SNX13: variants seen among roughly 807,000 people sequenced by gnomAD.
SNX13 encodes sorting nexin-13.
Under a neutral mutation model 133.6 loss-of-function variants are expected in SNX13, and 45 were observed. That is an observed-to-expected ratio of 0.34 (90% confidence interval 0.27 to 0.43). The LOEUF is 0.43. Ranked by LOEUF, SNX13 falls within the 20% of genes least tolerant of loss-of-function variation. SNX13 has a pLI of 1.00. For synonymous variants in SNX13, 414 were observed against 373.9 expected (o/e 1.11, Z -1.24); for missense variants, 1,032 against 1,145.1 (o/e 0.90, Z 1.43).
At chr7:17,930,975 A>G (rs535444532) in intron 1 of SNX13, among the ~76,000 whole-genome samples, 6 of 152,288 alleles carry the variant, frequency 3.9e-5, no homozygotes, top group Middle Eastern at 3.4e-3. Context: ...TCCCCCCAAC[A>G]GCCGTCCGTG....
chr7:17,808,096 T>C (rs993715860), intron 20 of SNX13, among the ~76,000 whole-genome samples: 1 of 152,054 alleles, frequency 6.6e-6, no homozygotes, highest in Admixed American at 6.5e-5. Context: ...CAAAACTGGA[T>C]GGAGAATGAG....
At chr7:17,839,414 T>C (rs1789595115) in intron 13 of SNX13, among the ~76,000 whole-genome samples, 1 of 151,864 alleles carries the variant, frequency 6.6e-6, no homozygotes, top group South Asian at 2.1e-4. Flanking sequence ...AATTTTTGTT[T>C]CATTCATTGG....
chr7:17,822,012 G>A (rs1336600912), intron 17 of SNX13, among the ~76,000 whole-genome samples: 1 of 152,014 alleles, frequency 6.6e-6, no homozygotes, highest in Non-Finnish European at 1.5e-5. Context: ...AGTAAAATTA[G>A]AATTTCTTAA....
chr7:17,931,265 T>C (rs936709185), intron 1 of SNX13, among the ~76,000 whole-genome samples: 1 of 152,172 alleles, frequency 6.6e-6, no homozygotes, highest in Non-Finnish European at 1.5e-5. Context: ...TCTCAAACTC[T>C]GGAAGAGAAC....
At chr7:17,880,534 A>G (rs924678839) in intron 5 of SNX13, 2 of 152,214 alleles carry the variant, frequency 1.3e-5, no homozygotes, top group Admixed American at 6.5e-5. Context: ...GACTAATTGT[A>G]TCAGATTTTC....
chr7:17,927,180 C>T (rs995311422), intron 1 of SNX13, among the ~76,000 whole-genome samples: 19 of 149,154 alleles, frequency 1.3e-4, no homozygotes, highest in Non-Finnish European at 2.1e-4. Context: ...ATATATTATG[C>T]GTGTACATAT....
At chr7:17,799,417 A>C (rs1472402009) in intron 22 of SNX13, among the ~76,000 whole-genome samples, 3 of 151,790 alleles carry the variant, frequency 2.0e-5, no homozygotes, top group Non-Finnish European at 4.4e-5. Flanking sequence ...TAGATTCATG[A>C]TGGTCCTAGG....
chr7:17,930,852 A>G (rs1326165717), intron 1 of SNX13, among the ~76,000 whole-genome samples: 1 of 152,070 alleles, frequency 6.6e-6, no homozygotes, highest in Non-Finnish European at 1.5e-5. Context: ...TTAGATTCTC[A>G]TAGGAGCACT....
intron 9 of SNX13, among the ~76,000 whole-genome samples, chr7:17,859,722 G>T (rs1792393001): frequency 1.3e-5 from 2 of 152,068 alleles, no homozygotes; most frequent in South Asian, 4.1e-4. Context: ...TTTACTAAGA[G>T]TTTGACTACT....
chr7:17,817,374 T>C (rs1181131815), intron 18 of SNX13, among the ~76,000 whole-genome samples: 2 of 152,250 alleles, frequency 1.3e-5, no homozygotes, highest in Non-Finnish European at 2.9e-5. Flanking sequence ...TTGTGATACA[T>C]ATCCTAAAGC....
intron 8 of SNX13, among the ~76,000 whole-genome samples, chr7:17,871,282 G>C (rs1583563648): frequency 6.6e-6 from 1 of 152,170 alleles, no homozygotes. Flanking sequence ...TGGGATCACA[G>C]GCGTGAGCCA....
chr7:17,937,498 G>A (rs370713396), intron 1 of SNX13, among the ~76,000 whole-genome samples: 18 of 138,192 alleles, frequency 1.3e-4, no homozygotes, highest in African/African-American at 5.1e-4. Flanking sequence ...TGGGCAACAG[G>A]GCAAGACTCC....
chr7:17,829,309 C>T (rs1028328870), intron 16 of SNX13, among the ~76,000 whole-genome samples: 2 of 151,448 alleles, frequency 1.3e-5, no homozygotes, highest in Non-Finnish European at 3.0e-5. Flanking sequence ...CTTCATAGAA[C>T]GCTAATATTT....
Position 17,821,491 on chromosome 7 carries a change from T to G in SNX13, c.1845+18A>C. 1 of 1,592,312 alleles carries G rather than the reference T, an allele frequency of 6.3e-7. No individual in the cohort carries two copies. The highest frequency in any genetic ancestry group is 8.6e-7 in the Non-Finnish European group (1 of 1,167,438). Reference sequence around the variant, plus strand: ...CAAGAAACAACATAAAGTACACAAGTTTTTAAAACTTCATTACCTGTTCAG... The same window carrying G: ...CAAGAAACAACATAAAGTACACAAGGTTTTAAAACTTCATTACCTGTTCAG... On this transcript the variant is annotated intron_variant, in intron 18 of 25. Transcript: ENST00000428135.
intron 1 of SNX13, among the ~76,000 whole-genome samples, chr7:17,935,499 A>C (rs887117828): frequency 6.6e-6 from 1 of 152,224 alleles, no homozygotes; most frequent in African/African-American, 2.4e-5. Flanking sequence ...CAATTGTCTC[A>C]CCATAGAAAA....
chr7:17,809,261 A>G (rs1327958225), intron 20 of SNX13, among the ~76,000 whole-genome samples: 1 of 128,458 alleles, frequency 7.8e-6, no homozygotes, highest in Non-Finnish European at 1.6e-5. Flanking sequence ...ATGGAGGAAT[A>G]TTTACCAAGT....
At position 17,834,867 on chromosome 7, in the gene SNX13, T is replaced by A; in HGVS notation, c.1360-2A>T. The A allele has an allele frequency of 6.4e-7, 1 of 1,557,264 alleles. No individual in the cohort carries two copies. The highest frequency in any genetic ancestry group is 8.8e-7 in the Non-Finnish European group (1 of 1,133,180). ...ATCAACAGTAACTCTTGGAGATGCC[T>A]AACAGAGAAAAATAATAGTAATGAT... On this transcript the variant is annotated splice_acceptor_variant, in intron 13 of 25. Transcript: ENST00000428135. LOFTEE classifies it high-confidence loss of function.
chr7:17,830,430 C>G, intron 15 of SNX13: 1 of 984,312 alleles, frequency 1.0e-6, no homozygotes, highest in Non-Finnish European at 1.2e-6. Context: ...TTTGTAACTT[C>G]TGTCTCATTG....
intron 13 of SNX13, among the ~76,000 whole-genome samples, chr7:17,838,208 G>A (rs1789382223): frequency 6.6e-6 from 1 of 151,798 alleles, no homozygotes; most frequent in African/African-American, 2.4e-5. Flanking sequence ...TTCTTCTTGA[G>A]TTAGTGTGGC....
Sources: allele counts gnomAD v4.1 joint callset (sites outside exome capture counted in the v4.1 genomes callset), GRCh38; gene constraint gnomAD v4.1.1; transcripts MANE v1.5; gene names NCBI Gene and HGNC (gene_info 2026-07-23, HGNC 2026-07-21).